Variants in ASAP3 observed in about 807,000 individuals in gnomAD.
ASAP3 encodes the protein arf-GAP with SH3 domain, ANK repeat and PH domain-containing protein 3.
ASAP3 carries 85 observed loss-of-function variants against 118.2 expected under a neutral mutation model. The observed-to-expected ratio is 0.72, with a 90% confidence interval of 0.60 to 0.86. The LOEUF (loss-of-function observed/expected upper bound fraction) is 0.86, where lower values mean the gene tolerates loss of function less well. Ranked by LOEUF, ASAP3 falls within the 40% of genes least tolerant of loss-of-function variation. ASAP3 has a pLI of 0.00. For missense variants in ASAP3, 1,026 were observed against 1,175.0 expected (o/e 0.87, Z 1.85); for synonymous variants, 432 against 477.4 (o/e 0.90, Z 1.24).
intron 5 of ASAP3, 89 bp from the exon 6 acceptor site, chr1:23,442,701 G>A: frequency 2.0e-6 from 3 of 1,520,250 alleles, no homozygotes; most frequent in Non-Finnish European, 1.8e-6. Flanking sequence ...GGGGCCACAT[G>A]GTGCAGGAGG....
chr1:23,480,561 T>C (rs928314112), intron 1 of ASAP3, among the ~76,000 whole-genome samples: 1 of 152,236 alleles, frequency 6.6e-6, no homozygotes, highest in African/African-American at 2.4e-5. Context: ...TACCTTTCTC[T>C]GGGGACTCAG....
chr1:23,439,060 T>G (rs1640774878), intron 11 of ASAP3, 101 bp downstream of exon 11: 1 of 1,453,666 alleles, frequency 6.9e-7, no homozygotes, highest in African/African-American at 1.4e-5. Context: ...GACCTAGGTT[T>G]GGGGGCCAGT....
At chr1:23,462,148 C>T (rs1009011011) in intron 1 of ASAP3, among the ~76,000 whole-genome samples, 6 of 151,870 alleles carry the variant, frequency 4.0e-5, no homozygotes, top group Admixed American at 2.0e-4. Context: ...CTCAGCCTCC[C>T]GAGTAGCTGG....
chr1:23,445,898 C>T (rs1261033403), intron 5 of ASAP3, among the ~76,000 whole-genome samples: 2 of 151,926 alleles, frequency 1.3e-5, no homozygotes, highest in African/African-American at 4.8e-5. Context: ...AGGAGGATCA[C>T]TTGAGCCCAG....
chr1:23,434,225 G>T, intron 19 of ASAP3, 29 bp downstream of exon 19: 1 of 1,606,062 alleles, frequency 6.2e-7, no homozygotes, highest in Non-Finnish European at 8.5e-7. Flanking sequence ...AGGAATAGGA[G>T]TCTGACGGAG....
Position 23,436,778 on chromosome 1 carries a change from T to C in ASAP3, c.1477-124A>G, listed in dbSNP as rs1395370017. 1 of 1,155,498 alleles carries C rather than the reference T, an allele frequency of 8.7e-7. No homozygotes were observed. The highest frequency in any genetic ancestry group is 2.3e-5 in the Admixed American group (1 of 43,248). The allele number at this position is 1,155,498 out of a possible 1,614,324, so 71.6% of individuals were successfully genotyped here. ...GCCCTCCCGGTTCAGGCCCCGCCCC[T>C]GACCACCCGCTACCTGGCTTGTCCC... On this transcript the variant is annotated intron_variant, in intron 15 of 24. Transcript: ENST00000336689. The surrounding 1 kb of genome is among the most constrained non-coding windows in gnomAD (Gnocchi z 4.2).
chr1:23,482,374 T>C (rs542900013), intron 1 of ASAP3, among the ~76,000 whole-genome samples: 41 of 152,052 alleles, frequency 2.7e-4, no homozygotes, highest in African/African-American at 8.9e-4. Context: ...ATACAAATAT[T>C]AGCCGGGTGT....
chr1:23,435,861 G>C lies in ASAP3; in HGVS notation c.1739C>G (p.Pro580Arg), dbSNP rs1484902922. Residue 580 changes from proline (P) to arginine (R), a missense_variant, in exon 17 of 25, where the codon CCT (proline) becomes CGT (arginine). Physicochemically the swap from Pro to Arg is moderately radical, Grantham distance 103. Transcript: ENST00000336689. ...GQDFGQPLPG[P>R]DAQAPEELVL... Reference sequence around the variant, plus strand: ...TGGAGGGGTTCTCACCTGTGCATCAGGCCCTGGCAGCGGCTGTCCAAAGTC... The same window carrying C: ...TGGAGGGGTTCTCACCTGTGCATCACGCCCTGGCAGCGGCTGTCCAAAGTC... The C allele has an allele frequency of 2.5e-6, 4 of 1,614,264 alleles. No individual in the cohort carries two copies. Among genetic ancestry groups the C allele is most frequent in the South Asian group, 1.1e-5 (1 of 91,088 alleles).
intron 1 of ASAP3, among the ~76,000 whole-genome samples, chr1:23,471,190 C>T (rs1380638352): frequency 6.6e-6 from 1 of 152,182 alleles, no homozygotes; most frequent in Non-Finnish European, 1.5e-5. Flanking sequence ...AAACTGTTTC[C>T]AGCCATCAGA....
At chr1:23,462,315 C>T (rs147965617) in intron 1 of ASAP3, among the ~76,000 whole-genome samples, 5,230 of 151,682 alleles carry the variant, frequency 0.034, 266 homozygotes, top group African/African-American at 0.12. Context: ...TGAGCCACCG[C>T]GCCCGGCCAC....
At chr1:23,469,222 C>T (rs570892700) in intron 1 of ASAP3, among the ~76,000 whole-genome samples, 1 of 152,256 alleles carries the variant, frequency 6.6e-6, no homozygotes, top group Admixed American at 6.5e-5. Flanking sequence ...TAGGGTATCA[C>T]TTGAGCCCAG....
chr1:23,481,602 C>G (rs953936296), intron 1 of ASAP3, among the ~76,000 whole-genome samples: 16 of 152,230 alleles, frequency 1.1e-4, no homozygotes, highest in Admixed American at 4.6e-4. Context: ...CTACGTGCAC[C>G]AAACCAAAAA....
At chr1:23,433,349 C>A in intron 21 of ASAP3, 76 bp downstream of exon 21, 1 of 1,612,810 alleles carries the variant, frequency 6.2e-7, no homozygotes, top group Non-Finnish European at 8.5e-7. Context: ...TCACCGCCCC[C>A]GCCAACACAC....
chr1:23,452,840 C>A, intron 3 of ASAP3, 69 bp from the exon 4 acceptor site: 4 of 1,458,808 alleles, frequency 2.7e-6, no homozygotes, highest in Non-Finnish European at 3.8e-6. Context: ...ATTCGGTGTA[C>A]AGTGAAGCAT....
In ASAP3 at chr1:23,433,679, C is replaced by A; in HGVS notation, c.1966G>T (p.Glu656Ter). 6.2e-7 allele frequency: 1 copy of A among 1,614,216 alleles called. No individual in the cohort carries two copies. Among genetic ancestry groups the A allele is most frequent in the East Asian group, 2.2e-5 (1 of 44,888 alleles). The change falls in exon 20 of 25, where the codon GAG becomes TAG. Residue 656 changes from glutamate to a stop codon, truncating the protein, a stop_gained. Coordinates refer to ENST00000336689, the MANE Select transcript of ASAP3 (RefSeq NM_017707.4). LOFTEE classifies it high-confidence loss of function. ...TTCCTGGCTATGTCCAGAGCTGTCT[C>A]GCCTGCTTCATTTACTGTGAGCGGG... Reference protein sequence around the residue: ...ALVGTVNEAGETALDIARKKH... With the variant: ...ALVGTVNEAG
intron 6 of ASAP3, 54 bp downstream of exon 6, chr1:23,442,447 C>T (rs1198914843): frequency 2.5e-6 from 4 of 1,600,414 alleles, no homozygotes; most frequent in South Asian, 1.1e-5. Flanking sequence ...CCTGGAGAGG[C>T]AGACAGGAAG....
chr1:23,450,885 G>A lies in ASAP3; in HGVS notation c.473+594C>T, dbSNP rs80319091. On this transcript the variant is annotated intron_variant, in intron 5 of 24. Coordinates refer to ENST00000336689, the MANE Select transcript of ASAP3 (RefSeq NM_017707.4). ...GAGCCCAAGGAGTCTCTGCCCAGGA[G>A]GAATTGGCCACTGGTTGACTGAGGC... is the stretch of plus-strand genomic sequence containing the variant. Among the ~76,000 whole-genome samples, 15 of 152,332 alleles carry A rather than the reference G, an allele frequency of 9.8e-5. No homozygotes were observed. The East Asian group carries it at 2.9e-3, about 29-fold the overall frequency.
intron 5 of ASAP3, among the ~76,000 whole-genome samples, chr1:23,448,339 A>G (rs1641109779): frequency 6.6e-6 from 1 of 152,252 alleles, no homozygotes. Context: ...TAAATTGGGA[A>G]TAACAATAGC....
At position 23,431,842 on chromosome 1, in the gene ASAP3, G is replaced by A; in HGVS notation, c.2400C>T (p.Ser800=). The A allele has an allele frequency of 2.5e-6, 4 of 1,590,712 alleles. No individual in the cohort carries two copies. Among genetic ancestry groups the A allele is most frequent in the Non-Finnish European group, 3.4e-6 (4 of 1,172,846 alleles). The change falls in exon 23 of 25, where the codon TCC becomes TCT. Residue 800 remains serine (S), a synonymous_variant. Coordinates refer to ENST00000336689, the MANE Select transcript of ASAP3 (RefSeq NM_017707.4). The part of the protein sequence containing the change: ...PESLGSPASS[S]SLMSPLEPGD... The stretch of plus-strand genomic sequence containing the variant: ...CAGGTTCCAAGGGGCTCATCAGACT[G>A]GAGGAGGAGGCTGGACTGCCCAGGC...
Sources: gnomAD v4.1 joint callset for allele counts (sites outside exome capture counted in the v4.1 genomes callset) on GRCh38, gnomAD v4.1.1 for gene constraint, Gnocchi (gnomAD v3.1) non-coding constraint, MANE v1.5 for transcripts, NCBI Gene and HGNC (gene_info 2026-07-23, HGNC 2026-07-21) for gene names.